LY96: variants seen among roughly 807,000 people sequenced by gnomAD.
The protein encoded by LY96 is lymphocyte antigen 96, also known as myeloid differentiation protein-2.
In LY96, 18 loss-of-function variants were observed where a neutral mutation model predicts 18.9. The ratio of observed to expected loss-of-function variants is 0.95; its 90% CI spans 0.66 to 1.41. The LOEUF (loss-of-function observed/expected upper bound fraction) is 1.41. Ranked by LOEUF, LY96 falls within the 40% of genes most tolerant of loss-of-function variation. LY96 has a pLI of 0.00. For missense variants in LY96, 175 were observed against 182.4 expected, an observed-to-expected ratio of 0.96 and a Z score of 0.23; for synonymous variants, 66 against 62.6, an observed-to-expected ratio of 1.06 and a Z score of -0.26.
chr8:73,996,944 C>T (rs985793409), intron 1 of LY96, among the ~76,000 whole-genome samples: 4 of 152,060 alleles, frequency 2.6e-5, no homozygotes, highest in Non-Finnish European at 5.9e-5. Context: ...GGGGTTTCAC[C>T]ATGTTGGTCA....
At chr8:74,058,743 C>T in the LY96 span, among the ~76,000 whole-genome samples, 3 of 152,112 alleles carry the variant, frequency 2.0e-5, no homozygotes, top group African/African-American at 7.2e-5. Flanking sequence ...TGGTCTTGAA[C>T]TCCTGACCTC....
At chr8:74,013,610 C>T (rs1816576924) in intron 3 of LY96, among the ~76,000 whole-genome samples, 1 of 151,854 alleles carries the variant, frequency 6.6e-6, no homozygotes, top group African/African-American at 2.4e-5. Flanking sequence ...TTTGTAGAGA[C>T]AGGGTCTCAC....
At chr8:74,001,441 C>G (rs1027060901) in intron 1 of LY96, among the ~76,000 whole-genome samples, 5 of 152,064 alleles carry the variant, frequency 3.3e-5, no homozygotes, top group Non-Finnish European at 5.9e-5. Context: ...GTTGGCCAGG[C>G]TGATCTTGAA....
chr8:74,028,994 C>T lies in LY96; in HGVS notation c.423C>T (p.Ser141=), dbSNP rs769036659. 213 of 1,611,430 alleles carry T rather than the reference C, an allele frequency of 1.3e-4. No individual in the cohort carries two copies. The highest frequency in any genetic ancestry group is 1.6e-4 in the Non-Finnish European group (191 of 1,178,428). The change falls in exon 5 of 5, where the codon AGC becomes AGT. Residue 141 remains serine (S), a synonymous_variant. Coordinates refer to ENST00000284818, the MANE Select transcript of LY96 (RefSeq NM_015364.5). ...GTGTTGTTGAAGCTATTTCTGGGAG[C>T]CCAGAAGAAATGCTCTTTTGCTTGG... ...YKCVVEAISG[S]PEEMLFCLEF...
chr8:74,060,332 G>A, the LY96 span, among the ~76,000 whole-genome samples: 1 of 152,146 alleles, frequency 6.6e-6, no homozygotes, highest in Non-Finnish European at 1.5e-5. Context: ...AATTAGCAAA[G>A]TTAAAAAAAT....
the LY96 span, among the ~76,000 whole-genome samples, chr8:74,064,612 G>A: frequency 6.6e-6 from 1 of 152,114 alleles, no homozygotes; most frequent in Admixed American, 6.6e-5. Context: ...CCTTCTACCA[G>A]TATTGGAAGC....
intron 1 of LY96, among the ~76,000 whole-genome samples, chr8:73,991,912 A>G (rs1352968644): frequency 6.6e-6 from 1 of 152,066 alleles, no homozygotes; most frequent in Non-Finnish European, 1.5e-5. Context: ...TCTTCTTGAG[A>G]TGGTAGAGCA....
At chr8:74,060,058 G>T in the LY96 span, among the ~76,000 whole-genome samples, 1 of 152,210 alleles carries the variant, frequency 6.6e-6, no homozygotes, top group African/African-American at 2.4e-5. Context: ...AGCCCAGGGG[G>T]CTGAGGTGAG....
chr8:74,068,857 C>T, the LY96 span, among the ~76,000 whole-genome samples: 4 of 151,946 alleles, frequency 2.6e-5, no homozygotes, highest in East Asian at 1.9e-4. Context: ...AGTGCAGTGG[C>T]GCAATCTCAG....
chr8:74,098,065 A>G, the LY96 span, among the ~76,000 whole-genome samples: 1 of 152,294 alleles, frequency 6.6e-6, no homozygotes, highest in East Asian at 1.9e-4. Flanking sequence ...CTTTTCCAAT[A>G]AATAGCTGGG....
the LY96 span, among the ~76,000 whole-genome samples, chr8:74,084,553 C>T: frequency 6.6e-6 from 1 of 152,176 alleles, no homozygotes; most frequent in Non-Finnish European, 1.5e-5. Flanking sequence ...AACTAGTTTT[C>T]TCCTCTTTCC....
rs113275856 is a variant in LY96, at chr8:74,022,072, T to TAA, written c.332-4708_332-4707dup. Among the ~76,000 whole-genome samples, 635 of 148,032 alleles carry TAA rather than the reference T, an allele frequency of 4.3e-3. 7 individuals are homozygous for TAA. The highest frequency in any genetic ancestry group is 0.015 in the African/African-American group (606 of 40,494). On this transcript the variant is annotated intron_variant, in intron 3 of 4. Transcript: ENST00000284818. The stretch of plus-strand genomic sequence containing the variant: ...GTACCCTAGAACTTAAAGTATAATT[T>TAA]AAAAAAAAAAGAAAAGAAAAGAATG...
At chr8:74,024,258 C>A (rs1412733453) in intron 3 of LY96, among the ~76,000 whole-genome samples, 2 of 151,432 alleles carry the variant, frequency 1.3e-5, no homozygotes, top group Non-Finnish European at 2.9e-5. Flanking sequence ...TAAAGAAAAG[C>A]AGAAAAATGA....
downstream of LY96, among the ~76,000 whole-genome samples, chr8:74,029,779 C>T (rs557992424): frequency 2.0e-5 from 3 of 152,304 alleles, no homozygotes; most frequent in Admixed American, 2.0e-4. Flanking sequence ...CCTGCGTCAG[C>T]CTCCCAAGTA....
In LY96 at chr8:74,017,997, C is replaced by T. The variant is rs145591092; in HGVS notation, c.331+7868C>T. Among the ~76,000 whole-genome samples the T allele has an allele frequency of 7.7e-3, 1,177 of 152,176 alleles. 12 individuals carry two copies. Among genetic ancestry groups the T allele is most frequent in the African/African-American group, 0.026 (1,079 of 41,518 alleles). On this transcript the variant is annotated intron_variant, in intron 3 of 4. Coordinates refer to ENST00000284818, the MANE Select transcript of LY96 (RefSeq NM_015364.5). ...GCTAGGAAGAAACTGCATAAATTAA[C>T]GAGCAAAATAACAAGCTAACATCAT...
the LY96 span, among the ~76,000 whole-genome samples, chr8:74,080,391 TG>T: frequency 1.3e-5 from 2 of 152,208 alleles, no homozygotes; most frequent in Admixed American, 6.5e-5. Context: ...TAATTGACAC[TG>T]AAAGTGCTTT....
At chr8:74,032,744 A>C (rs1476215977), downstream of LY96, among the ~76,000 whole-genome samples, 4 of 152,198 alleles carry the variant, frequency 2.6e-5, no homozygotes, top group Non-Finnish European at 5.9e-5. Context: ...AGAATCCTTA[A>C]TTTTAAATGC....
chr8:74,085,613 G>C, the LY96 span, among the ~76,000 whole-genome samples: 1 of 152,192 alleles, frequency 6.6e-6, no homozygotes, highest in African/African-American at 2.4e-5. Flanking sequence ...CCTTCCTCTT[G>C]TTCACTTGTT....
At chr8:74,007,149 A>G (rs1025369953) in intron 2 of LY96, among the ~76,000 whole-genome samples, 16 of 152,336 alleles carry the variant, frequency 1.1e-4, no homozygotes, top group African/African-American at 3.6e-4. Context: ...GACCCATGAC[A>G]GGCGGGAGTA....
Sources: gnomAD v4.1 joint callset for allele counts (sites outside exome capture counted in the v4.1 genomes callset) on GRCh38, gnomAD v4.1.1 for gene constraint, MANE v1.5 for transcripts, NCBI Gene and HGNC (gene_info 2026-07-23, HGNC 2026-07-21) for gene names.